MEIS2: variants seen among roughly 807,000 people sequenced by gnomAD.
MEIS2 encodes the protein homeobox protein Meis2.
A neutral mutation model predicts 58.6 loss-of-function variants in MEIS2; 9 were observed. The ratio of observed to expected loss-of-function variants is 0.15; its 90% CI spans 0.09 to 0.27. The LOEUF is 0.27. MEIS2 is among the 10% of genes least tolerant of loss of function. The pLI is 1.00. For missense variants in MEIS2, 427 were observed against 635.0 expected (o/e 0.67, Z 3.52); for synonymous variants, 221 against 228.4 (o/e 0.97, Z 0.29).
At chr15:36,929,428 C>T (rs2057880904) in intron 9 of MEIS2, among the ~76,000 whole-genome samples, 1 of 152,184 alleles carries the variant, frequency 6.6e-6, no homozygotes, top group African/African-American at 2.4e-5. Context: ...TTTTCTCCCC[C>T]AACTGTATGG....
chr15:36,958,617 T>C (rs951053998), intron 8 of MEIS2, among the ~76,000 whole-genome samples: 2 of 152,194 alleles, frequency 1.3e-5, no homozygotes, highest in Admixed American at 6.5e-5. Context: ...GCATAACAAA[T>C]ATAATTATTT....
chr15:36,976,308 A>C (rs542504590), intron 8 of MEIS2, among the ~76,000 whole-genome samples: 15 of 151,270 alleles, frequency 9.9e-5, no homozygotes, highest in African/African-American at 3.4e-4. Context: ...CTGGTCTCGA[A>C]CTCCTGACCT....
chr15:37,051,419 C>T (rs545723941), intron 7 of MEIS2, among the ~76,000 whole-genome samples: 2 of 152,238 alleles, frequency 1.3e-5, no homozygotes, highest in South Asian at 4.1e-4. Flanking sequence ...CAAACTTATA[C>T]ATAATGACCA....
intron 7 of MEIS2, among the ~76,000 whole-genome samples, chr15:37,054,137 T>A (rs2063036520): frequency 6.6e-6 from 1 of 152,230 alleles, no homozygotes; most frequent in Non-Finnish European, 1.5e-5. Flanking sequence ...AAATGGCAAT[T>A]CCATAAAGCA....
intron 7 of MEIS2, among the ~76,000 whole-genome samples, chr15:37,069,681 C>T (rs976062862): frequency 3.9e-5 from 6 of 152,192 alleles, no homozygotes; most frequent in East Asian, 3.9e-4. Context: ...CTGAATGCCC[C>T]GATCATGACA....
chr15:36,961,489 G>A (rs1000078210), intron 8 of MEIS2, among the ~76,000 whole-genome samples: 1 of 152,012 alleles, frequency 6.6e-6, no homozygotes, highest in African/African-American at 2.4e-5. Flanking sequence ...GTAATGCTGA[G>A]TAAATACAAA....
At chr15:37,096,590 G>T in intron 2 of MEIS2, 160 bp from the exon 3 acceptor site, 1 of 840,546 alleles carries the variant, frequency 1.2e-6, no homozygotes, top group Non-Finnish European at 1.7e-6. Context: ...GCGAGCCTAA[G>T]CCAGAAACAG....
chr15:37,078,548 A>G (rs1891734042), intron 7 of MEIS2, among the ~76,000 whole-genome samples: 1 of 150,478 alleles, frequency 6.6e-6, no homozygotes, highest in Non-Finnish European at 1.5e-5. Context: ...TAAATAATGA[A>G]AAATCCTTTG....
chr15:37,062,655 T>A (rs900207375), intron 7 of MEIS2, among the ~76,000 whole-genome samples: 1 of 152,196 alleles, frequency 6.6e-6, no homozygotes, highest in African/African-American at 2.4e-5. Context: ...TCCAATCAGA[T>A]CCTTCACAAA....
intron 8 of MEIS2, among the ~76,000 whole-genome samples, chr15:37,017,247 A>C (rs1271262419): frequency 2.6e-5 from 4 of 152,196 alleles, no homozygotes; most frequent in Non-Finnish European, 4.4e-5. Flanking sequence ...CAAACCAGAA[A>C]GTCAAAGAGA....
intron 8 of MEIS2, among the ~76,000 whole-genome samples, chr15:37,016,183 A>G (rs1179513099): frequency 1.3e-5 from 2 of 152,200 alleles, no homozygotes; most frequent in African/African-American, 4.8e-5. Context: ...TGAATGATAA[A>G]TTTAGCAGCC....
intron 9 of MEIS2, among the ~76,000 whole-genome samples, chr15:36,907,617 G>A (rs2056804733): frequency 6.6e-6 from 1 of 152,190 alleles, no homozygotes; most frequent in African/African-American, 2.4e-5. Context: ...CATTTGGAAG[G>A]TGGCAACATT....
intron 7 of MEIS2, among the ~76,000 whole-genome samples, chr15:37,053,773 G>A (rs1186465679): frequency 6.6e-6 from 1 of 152,060 alleles, no homozygotes; most frequent in Admixed American, 6.6e-5. Context: ...TATATATGAT[G>A]GGAAATGAAG....
intron 7 of MEIS2, among the ~76,000 whole-genome samples, chr15:37,078,123 C>G (rs989865022): frequency 6.6e-6 from 1 of 151,978 alleles, no homozygotes; most frequent in Non-Finnish European, 1.5e-5. Flanking sequence ...AGTAATTACC[C>G]CACCCAGTGA....
At chr15:36,991,805 T>G in intron 8 of MEIS2, among the ~76,000 whole-genome samples, 1 of 114,082 alleles carries the variant, frequency 8.8e-6, no homozygotes, top group African/African-American at 3.3e-5. Flanking sequence ...TTTTTTTTTT[T>G]GAGACGGAGT....
chr15:36,956,021 C>CAAAAAA (rs757524401), intron 8 of MEIS2, among the ~76,000 whole-genome samples: 4 of 46,618 alleles, frequency 8.6e-5, no homozygotes, highest in African/African-American at 3.5e-4. Context: ...ACTAAAAATA[C>CAAAAAA]AAAAAAAAAA....
intron 7 of MEIS2, among the ~76,000 whole-genome samples, chr15:37,043,877 G>C (rs531120873): frequency 6.6e-6 from 1 of 151,858 alleles, no homozygotes; most frequent in Admixed American, 6.6e-5. Flanking sequence ...TAGTAGAGAC[G>C]GGGTTTCACC....
At chr15:37,043,845 G>A (rs746376694) in intron 7 of MEIS2, among the ~76,000 whole-genome samples, 16 of 151,940 alleles carry the variant, frequency 1.1e-4, no homozygotes, top group East Asian at 3.9e-4. Flanking sequence ...GTGCCACCAC[G>A]CCCAGTTAAT....
chr15:37,042,137 T>G (rs1203840872), intron 7 of MEIS2, among the ~76,000 whole-genome samples: 1 of 151,984 alleles, frequency 6.6e-6, no homozygotes, highest in Non-Finnish European at 1.5e-5. Context: ...GGCAGCGGAG[T>G]AAGACCCTAT....
Sources: allele counts gnomAD v4.1 joint callset (sites outside exome capture counted in the v4.1 genomes callset), GRCh38; gene constraint gnomAD v4.1.1; transcripts MANE v1.5; gene names NCBI Gene and HGNC (gene_info 2026-07-23, HGNC 2026-07-21).